Variants in NPAS3 observed in about 807,000 individuals in gnomAD.
NPAS3 encodes neuronal PAS domain-containing protein 3.
A neutral mutation model predicts 73.1 loss-of-function variants in NPAS3; 14 were observed. That is an observed-to-expected ratio of 0.19 (90% CI 0.13 to 0.30). The LOEUF (loss-of-function observed/expected upper bound fraction) is 0.30, where lower values mean the gene tolerates loss of function less well. Among genes scored for constraint, NPAS3 ranks in the 10% least tolerant of loss-of-function variants. The pLI is 1.00. For synonymous variants in NPAS3, 620 were observed against 541.5 expected (o/e 1.14, Z -2.01); for missense variants, 1,096 against 1,250.0 (o/e 0.88, Z 1.86).
chr14:33,600,751 A>G (rs2057376821), intron 5 of NPAS3, among the ~76,000 whole-genome samples: 1 of 152,228 alleles, frequency 6.6e-6, no homozygotes, highest in African/African-American at 2.4e-5. Context: ...GTCCATTAAT[A>G]AGACAATATA....
intron 7 of NPAS3, among the ~76,000 whole-genome samples, chr14:33,748,017 AT>A (rs1324131239): frequency 2.0e-5 from 3 of 152,238 alleles, no homozygotes; most frequent in Admixed American, 2.0e-4. Flanking sequence ...GTATTTGTAC[AT>A]AGTTTTCCTC....
intron 3 of NPAS3, among the ~76,000 whole-genome samples, chr14:33,243,569 A>G (rs1328359501): frequency 6.6e-6 from 1 of 152,112 alleles, no homozygotes; most frequent in East Asian, 1.9e-4. Flanking sequence ...CCATTCACTC[A>G]TATTATCAAC....
intron 3 of NPAS3, among the ~76,000 whole-genome samples, chr14:33,240,582 CTTCTT>C (rs1483060673): frequency 6.6e-6 from 1 of 151,780 alleles, no homozygotes; most frequent in Non-Finnish European, 1.5e-5. Context: ...GGTTAGTACT[CTTCTT>C]TAATAAACTC....
intron 3 of NPAS3, among the ~76,000 whole-genome samples, chr14:33,355,620 T>C (rs117656952): frequency 0.02 from 3,104 of 152,284 alleles, 48 homozygotes; most frequent in South Asian, 0.038. Context: ...TTTTACAGTT[T>C]GTATTTCTCT....
At chr14:33,638,329 G>A (rs1408400461) in intron 5 of NPAS3, among the ~76,000 whole-genome samples, 2 of 152,130 alleles carry the variant, frequency 1.3e-5, no homozygotes, top group East Asian at 3.8e-4. Flanking sequence ...ACCATGGCTG[G>A]CTGTGAGCAC....
chr14:33,289,112 T>C (rs2041992877), intron 3 of NPAS3, among the ~76,000 whole-genome samples: 1 of 151,924 alleles, frequency 6.6e-6, no homozygotes, highest in Admixed American at 6.6e-5. Context: ...TGTGATTAAG[T>C]GTTTCACACA....
intron 3 of NPAS3, among the ~76,000 whole-genome samples, chr14:33,255,829 G>A (rs914590626): frequency 1.3e-5 from 2 of 152,270 alleles, no homozygotes; most frequent in African/African-American, 4.8e-5. Flanking sequence ...ATGGTCGACC[G>A]ATTAACACAC....
At chr14:33,338,332 C>T (rs778600427) in intron 3 of NPAS3, among the ~76,000 whole-genome samples, 2 of 152,128 alleles carry the variant, frequency 1.3e-5, no homozygotes, top group Non-Finnish European at 2.9e-5. Context: ...TGGGGGAATA[C>T]TGGAGAGTTC....
chr14:33,543,190 A>T (rs2054599059), intron 4 of NPAS3, among the ~76,000 whole-genome samples: 1 of 152,100 alleles, frequency 6.6e-6, no homozygotes, highest in Non-Finnish European at 1.5e-5. Flanking sequence ...TGAAACACAA[A>T]CTGAGTTTGA....
chr14:33,689,799 T>G (rs1434293383), intron 6 of NPAS3, among the ~76,000 whole-genome samples: 1 of 152,208 alleles, frequency 6.6e-6, no homozygotes, highest in African/African-American at 2.4e-5. Flanking sequence ...TGCATAATGC[T>G]TATTCTCAGA....
At chr14:33,076,049 C>T (rs943919743) in intron 2 of NPAS3, among the ~76,000 whole-genome samples, 2 of 152,086 alleles carry the variant, frequency 1.3e-5, no homozygotes, top group African/African-American at 4.8e-5. Flanking sequence ...TATCACCAGG[C>T]TTGAAGTAGT....
chr14:33,167,595 ATAC>A lies in NPAS3; in HGVS notation c.141-47584_141-47582del, dbSNP rs1425772045. ...ATTATTTTTCTGAAAATAGAAGATAATACTAATTTTGATAAATATAGATTTATG... is the reference window on the plus strand; with the variant it reads ...ATTATTTTTCTGAAAATAGAAGATAATAATTTTGATAAATATAGATTTATG... On this transcript the variant is annotated intron_variant, in intron 2 of 11. Transcript: ENST00000356141. Among the ~76,000 whole-genome samples the A allele has an allele frequency of 2.9e-4, 44 of 152,326 alleles. 1 individual carries two copies. Among genetic ancestry groups the A allele is most frequent in the Admixed American group, 1.8e-3 (27 of 15,302 alleles).
intron 5 of NPAS3, among the ~76,000 whole-genome samples, chr14:33,561,604 A>G (rs1300778650): frequency 1.3e-5 from 2 of 152,202 alleles, no homozygotes; most frequent in Admixed American, 1.3e-4. Flanking sequence ...CCTTGTCTTA[A>G]TCTGTCTGGG....
intron 4 of NPAS3, among the ~76,000 whole-genome samples, chr14:33,458,754 T>C (rs759461168): frequency 6.6e-6 from 1 of 152,166 alleles, no homozygotes; most frequent in Non-Finnish European, 1.5e-5. Context: ...TAATAATCAG[T>C]AATTAAGTAA....
chr14:33,656,207 C>CAATT (rs2059142039), intron 5 of NPAS3, among the ~76,000 whole-genome samples: 1 of 152,188 alleles, frequency 6.6e-6, no homozygotes, highest in South Asian at 2.1e-4. Context: ...ATGATTGGCA[C>CAATT]AATTAAGTAC....
At chr14:33,609,255 A>G (rs1312117357) in intron 5 of NPAS3, among the ~76,000 whole-genome samples, 1 of 152,212 alleles carries the variant, frequency 6.6e-6, no homozygotes, top group Non-Finnish European at 1.5e-5. Context: ...AACAGTTGCT[A>G]ACAGTTTTCA....
At chr14:33,378,993 G>A (rs930654521) in intron 4 of NPAS3, among the ~76,000 whole-genome samples, 1 of 152,066 alleles carries the variant, frequency 6.6e-6, no homozygotes, top group Admixed American at 6.6e-5. Flanking sequence ...ACATGACCGC[G>A]AGTGGAAAAT....
At chr14:33,392,208 G>A (rs866070834) in intron 4 of NPAS3, among the ~76,000 whole-genome samples, 18 of 151,940 alleles carry the variant, frequency 1.2e-4, no homozygotes, top group African/African-American at 1.7e-4. Context: ...TATTTTTGCC[G>A]CCCTTAAAAT....
At chr14:33,586,113 G>A (rs992759094) in intron 5 of NPAS3, 10 of 151,726 alleles carry the variant, frequency 6.6e-5, no homozygotes, top group African/African-American at 2.4e-4. Flanking sequence ...GAGAAATAAG[G>A]CCTCAGGTGC....
Sources: allele counts gnomAD v4.1 joint callset (sites outside exome capture counted in the v4.1 genomes callset), GRCh38; gene constraint gnomAD v4.1.1; transcripts MANE v1.5; gene names NCBI Gene and HGNC (gene_info 2026-07-23, HGNC 2026-07-21).